Variants in ZRANB1 observed in about 807,000 individuals in gnomAD.
ZRANB1 encodes the protein zinc finger RANBP2-type containing 1, also known as ubiquitin thioesterase ZRANB1.
Under a neutral mutation model 80.5 loss-of-function variants are expected in ZRANB1, and 16 were observed. That is an observed-to-expected ratio of 0.20 (90% CI 0.13 to 0.30). The LOEUF is 0.30. Ranked by LOEUF, ZRANB1 falls within the 10% of genes least tolerant of loss-of-function variation. The probability of loss-of-function intolerance (pLI) is 1.00; values close to 1 mark genes in which losing one functional copy is unlikely to be tolerated. For missense variants in ZRANB1, 576 were observed against 862.6 expected (o/e 0.67, Z 4.16); for synonymous variants, 291 against 293.1 (o/e 0.99, Z 0.07).
At chr10:124,984,205 C>T in intron 8 of ZRANB1, 1 of 156,494 alleles carries the variant, frequency 6.4e-6, no homozygotes, top group Admixed American at 6.3e-5. Context: ...TGGTGCATGG[C>T]AGGAGCAGGA....
the ZRANB1 span, among the ~76,000 whole-genome samples, chr10:124,930,034 C>T: frequency 6.6e-6 from 1 of 151,854 alleles, no homozygotes; most frequent in Non-Finnish European, 1.5e-5. Context: ...CCTAAAGCTC[C>T]GTACAAAACT....
At chr10:124,956,069 A>G (rs543082193) in intron 1 of ZRANB1, among the ~76,000 whole-genome samples, 1 of 152,320 alleles carries the variant, frequency 6.6e-6, no homozygotes, top group African/African-American at 2.4e-5. Context: ...TTGATTACAC[A>G]GGGTTGCCAA....
the ZRANB1 span, among the ~76,000 whole-genome samples, chr10:124,926,353 A>T: frequency 1.3e-5 from 2 of 152,238 alleles, no homozygotes; most frequent in African/African-American, 2.4e-5. Flanking sequence ...TTTTGTAGTA[A>T]CACTTAAAAC....
At position 124,982,361 on chromosome 10, in the gene ZRANB1, G is replaced by C. The variant is rs573597351; in HGVS notation, c.1548+532G>C. Among the ~76,000 whole-genome samples the C allele has an allele frequency of 6.8e-4, 104 of 152,166 alleles. 1 individual carries two copies. Among genetic ancestry groups the C allele is most frequent in the Middle Eastern group, 3.2e-3 (1 of 316 alleles). On this transcript the variant is annotated intron_variant, in intron 6 of 8. Coordinates refer to ENST00000359653, the MANE Select transcript of ZRANB1 (RefSeq NM_017580.3). ...CCTGTGTCATGTAGGCAAAGGAAAA[G>C]GGTAGTTTAGCTTACTCTGAACTAA...
chr10:124,986,788 T>C lies in ZRANB1; in HGVS notation c.*1796T>C, dbSNP rs1952055699. On this transcript the variant is annotated 3_prime_UTR_variant, in exon 9 of 9. Coordinates refer to ENST00000359653, the MANE Select transcript of ZRANB1 (RefSeq NM_017580.3). ...TTAGTGGGCAGAGATCCTGTTCTAG[T>C]TGCCTGTTAAGCAAAATCTGCCCTC... 6.6e-6 allele frequency: 1 copy of C among 152,202 alleles called. No individual in the cohort carries two copies. The highest frequency in any genetic ancestry group is 2.4e-5 in the African/African-American group (1 of 41,456). 9.4% of individuals were successfully genotyped at this position (152,202 alleles called of 1,614,324 possible).
At chr10:124,917,841 G>T in the ZRANB1 span, among the ~76,000 whole-genome samples, 1 of 152,194 alleles carries the variant, frequency 6.6e-6, no homozygotes, top group Non-Finnish European at 1.5e-5. Flanking sequence ...CCTGCTCGCA[G>T]TAACGAGTGT....
intron 2 of ZRANB1, among the ~76,000 whole-genome samples, chr10:124,970,022 T>C (rs1951809003): frequency 6.6e-6 from 1 of 152,202 alleles, no homozygotes; most frequent in South Asian, 2.1e-4. Context: ...GGAAAGGGCC[T>C]GAGAGCTAGC....
At chr10:124,973,029 G>C (rs911278387) in intron 3 of ZRANB1, among the ~76,000 whole-genome samples, 3 of 151,974 alleles carry the variant, frequency 2.0e-5, no homozygotes, top group African/African-American at 7.2e-5. Flanking sequence ...TCAGACAAAC[G>C]GATTTTTACA....
intron 2 of ZRANB1, among the ~76,000 whole-genome samples, chr10:124,967,346 A>G (rs1951785021): frequency 6.6e-6 from 1 of 152,332 alleles, no homozygotes; most frequent in Non-Finnish European, 1.5e-5. Flanking sequence ...AGTTGAGGAA[A>G]GCATTTTTAC....
intron 1 of ZRANB1, among the ~76,000 whole-genome samples, chr10:124,962,723 T>TA (rs1213036559): frequency 6.6e-6 from 1 of 152,148 alleles, no homozygotes; most frequent in African/African-American, 2.4e-5. Context: ...TAATATATAA[T>TA]ATAGTGGCTT....
intron 1 of ZRANB1, among the ~76,000 whole-genome samples, chr10:124,946,662 T>C (rs184243558): frequency 5.7e-4 from 87 of 152,356 alleles, no homozygotes; most frequent in African/African-American, 1.9e-3. Context: ...TGAACTGTTA[T>C]ACGTAAGGTT....
intron 8 of ZRANB1, 122 bp from the exon 9 acceptor site, chr10:124,984,650 GAA>G (rs1951993079): frequency 4.2e-6 from 4 of 956,640 alleles, no homozygotes; most frequent in Non-Finnish European, 3.1e-6. Flanking sequence ...AAAACCATGT[GAA>G]AAGTTGATTG....
At chr10:124,973,749 T>A (rs778708105) in intron 4 of ZRANB1, 33 bp downstream of exon 4, 2 of 1,586,190 alleles carry the variant, frequency 1.3e-6, no homozygotes, top group African/African-American at 1.4e-5. Flanking sequence ...TAATTTACCT[T>A]TCATCTGATC....
intron 2 of ZRANB1, among the ~76,000 whole-genome samples, chr10:124,969,662 T>A (rs866169437): frequency 6.6e-6 from 1 of 152,188 alleles, no homozygotes; most frequent in African/African-American, 2.4e-5. Context: ...TGTATTGAAG[T>A]AATAGCTACC....
At chr10:124,981,906 A>G (rs1359546234) in intron 6 of ZRANB1, 77 bp downstream of exon 6, 2 of 1,558,990 alleles carry the variant, frequency 1.3e-6, no homozygotes, top group Non-Finnish European at 1.7e-6. Context: ...TGAGCAAACC[A>G]TGTTGGGGGC....
In ZRANB1 at chr10:124,987,658, A is replaced by G. The variant is rs1952090000; in HGVS notation, c.*2666A>G. Reference sequence around the variant, plus strand: ...TCTCTCTCCATGTGAGCTTGTGTTAATAGACACTTTTATGGTAGAGTTGGG... The same window carrying G: ...TCTCTCTCCATGTGAGCTTGTGTTAGTAGACACTTTTATGGTAGAGTTGGG... On this transcript the variant is annotated 3_prime_UTR_variant, in exon 9 of 9. Coordinates refer to ENST00000359653, the MANE Select transcript of ZRANB1 (RefSeq NM_017580.3). 1 of 152,138 alleles carries G rather than the reference A, an allele frequency of 6.6e-6. No homozygotes were observed. Among genetic ancestry groups the G allele is most frequent in the East Asian group, 1.9e-4 (1 of 5,194 alleles). 9.4% of individuals were successfully genotyped at this position (152,138 alleles called of 1,614,324 possible).
At chr10:124,933,833 C>A in the ZRANB1 span, among the ~76,000 whole-genome samples, 5 of 152,226 alleles carry the variant, frequency 3.3e-5, no homozygotes, top group South Asian at 2.1e-4. Context: ...TTTCTTGTTA[C>A]GATTGAGGAA....
the ZRANB1 span, among the ~76,000 whole-genome samples, chr10:124,928,049 T>G: frequency 1.3e-5 from 2 of 151,850 alleles, no homozygotes; most frequent in African/African-American, 4.8e-5. Context: ...AAAGAAAAAA[T>G]AAATAAAAGA....
intron 1 of ZRANB1, among the ~76,000 whole-genome samples, chr10:124,960,167 G>C (rs1341963066): frequency 6.6e-6 from 1 of 152,124 alleles, no homozygotes; most frequent in East Asian, 1.9e-4. Flanking sequence ...TTTGGGGATG[G>C]ATGCTTGTGG....
Sources: allele counts gnomAD v4.1 joint callset (sites outside exome capture counted in the v4.1 genomes callset), GRCh38; gene constraint gnomAD v4.1.1; transcripts MANE v1.5; gene names NCBI Gene and HGNC (gene_info 2026-07-23, HGNC 2026-07-21).